PIEZO2: variants seen among roughly 807,000 people sequenced by gnomAD.
PIEZO2 encodes piezo type mechanosensitive ion channel component 2, also known as piezo-type mechanosensitive ion channel component 2.
In PIEZO2, 172 loss-of-function variants were observed where a neutral mutation model predicts 337.3. The ratio of observed to expected loss-of-function variants is 0.51; its 90% CI spans 0.45 to 0.58. PIEZO2 has a LOEUF of 0.58. PIEZO2 is among the 20% of genes least tolerant of loss of function. PIEZO2 has a pLI of 0.00. For missense variants in PIEZO2, 3,028 were observed against 3,391.3 expected (o/e 0.89, Z 2.66); for synonymous variants, 1,251 against 1,228.5 (o/e 1.02, Z -0.38).
chr18:10,685,649 C>T (rs73395375), intron 49 of PIEZO2, among the ~76,000 whole-genome samples: 38,424 of 152,020 alleles, frequency 0.25, 6,515 homozygotes, highest in African/African-American at 0.48. Context: ...CCAACAAACA[C>T]GGTCTTGCAT....
chr18:11,118,759 G>GAA (rs11451534), intron 1 of PIEZO2, among the ~76,000 whole-genome samples: 77 of 150,646 alleles, frequency 5.1e-4, no homozygotes, highest in South Asian at 1.7e-3. Flanking sequence ...GTTAATTACA[G>GAA]AAAAAAAAAC....
At position 10,699,017 on chromosome 18, in the gene PIEZO2, G is replaced by T; in HGVS notation, c.6602C>A (p.Pro2201Gln). 1.3e-6 allele frequency: 2 copies of T among 1,537,076 alleles called. No individual in the cohort carries two copies. The highest frequency in any genetic ancestry group is 8.7e-7 in the Non-Finnish European group (1 of 1,146,908). ...CCTCCGGACAGCTGTCTGCTGCTCC[G>T]GGAAGGTCACATGCACTGACTCCAC... ...ASVESVHVTFPEQQTAVRRKR... is the reference protein window; with the variant it reads ...ASVESVHVTFQEQQTAVRRKR... The change falls in exon 44 of 56, where the codon CCG becomes CAG. Residue 2201 changes from proline (P) to glutamine (Q), a missense_variant. Physicochemically the swap from Pro to Gln is moderately conservative, Grantham distance 76 (BLOSUM62 -1). Around this residue, in one of 5 missense-constraint regions of PIEZO2, gnomAD observed 1,925 missense variants for 2,051.9 expected, o/e 0.94. Coordinates refer to ENST00000674853, the MANE Select transcript of PIEZO2 (RefSeq NM_001378183.1).
In PIEZO2 at chr18:10,862,808, AC is replaced by A. The variant is rs1223832746; in HGVS notation, c.493-5598del. Among the ~76,000 whole-genome samples, 1 of 152,248 alleles carries A rather than the reference AC, an allele frequency of 6.6e-6. No homozygotes were observed. Among genetic ancestry groups the A allele is most frequent in the African/African-American group, 2.4e-5 (1 of 41,464 alleles). On this transcript the variant is annotated intron_variant, in intron 5 of 55. Transcript: ENST00000674853. This position sits in a 1 kb window ranked among gnomAD's most constrained non-coding sequence, Gnocchi z 4.4. ...CAGGCCCTGGCCGACATTGGCAACC[AC>A]TGATCAATGAATTCTCCATAGGGGT...
chr18:10,800,591 C>A (rs1408488768), intron 10 of PIEZO2, 116 bp from the exon 11 acceptor site: 1 of 1,252,150 alleles, frequency 8.0e-7, no homozygotes, highest in Non-Finnish European at 1.0e-6. Context: ...TGATTACAAG[C>A]TGAATAACTT....
chr18:11,086,421 A>G (rs1309990331), intron 1 of PIEZO2, among the ~76,000 whole-genome samples: 16 of 151,298 alleles, frequency 1.1e-4, no homozygotes, highest in African/African-American at 3.9e-4. Context: ...CAGGAGGCTG[A>G]GGCAGGAGAA....
chr18:10,920,595 T>A (rs1285398859), intron 3 of PIEZO2, among the ~76,000 whole-genome samples: 1 of 152,150 alleles, frequency 6.6e-6, no homozygotes, highest in Admixed American at 6.5e-5. Context: ...TTACAACTCG[T>A]TCATACCCAG....
chr18:11,025,017 T>A (rs1022102127), intron 2 of PIEZO2, among the ~76,000 whole-genome samples: 3 of 151,976 alleles, frequency 2.0e-5, no homozygotes, highest in African/African-American at 7.3e-5. Flanking sequence ...ATAGCCTGCA[T>A]GAGATGGAAG....
chr18:10,840,441 G>C (rs946433389), intron 7 of PIEZO2, among the ~76,000 whole-genome samples: 1 of 152,072 alleles, frequency 6.6e-6, no homozygotes, highest in South Asian at 2.1e-4. Flanking sequence ...GTTAGAGCTG[G>C]TCCTTTTTTA....
Position 10,696,364 on chromosome 18 carries a change from G to A in PIEZO2, c.6975+28C>T, listed in dbSNP as rs186012507. ...AAGCGCCATCGCCATGGGTCAGGGCGGGTGCTGTGGCCTTTGCCCCAACCT... is the reference window on the plus strand; with the variant it reads ...AAGCGCCATCGCCATGGGTCAGGGCAGGTGCTGTGGCCTTTGCCCCAACCT... On this transcript the variant is annotated intron_variant, in intron 46 of 55. Coordinates refer to ENST00000674853, the MANE Select transcript of PIEZO2 (RefSeq NM_001378183.1). 5.0e-4 allele frequency: 799 copies of A among 1,614,134 alleles called. 7 individuals are homozygous for A. In the African/African-American group the frequency reaches 8.3e-3, roughly 17 times the overall value.
At chr18:10,738,627 G>T (rs986232396) in intron 33 of PIEZO2, 2 of 152,186 alleles carry the variant, frequency 1.3e-5, no homozygotes, top group Non-Finnish European at 2.9e-5. Context: ...CTCAGATGGC[G>T]AACCTGACTC....
chr18:11,089,260 C>T (rs920614191), intron 1 of PIEZO2, among the ~76,000 whole-genome samples: 1 of 152,120 alleles, frequency 6.6e-6, no homozygotes, highest in African/African-American at 2.4e-5. Flanking sequence ...GGGCTCAATT[C>T]ATCTTAATCT....
At chr18:10,905,743 A>C (rs2043160144) in intron 4 of PIEZO2, among the ~76,000 whole-genome samples, 1 of 152,138 alleles carries the variant, frequency 6.6e-6, no homozygotes, top group South Asian at 2.1e-4. Flanking sequence ...TGACAAAAAG[A>C]CAGTGGGTCC....
chr18:10,911,536 C>T (rs2030475765), intron 3 of PIEZO2, among the ~76,000 whole-genome samples: 1 of 151,874 alleles, frequency 6.6e-6, no homozygotes, highest in Non-Finnish European at 1.5e-5. Context: ...AGGCAGATCA[C>T]CTGAGGTCAG....
chr18:10,793,300 A>C (rs2039472683), intron 13 of PIEZO2, among the ~76,000 whole-genome samples: 1 of 152,144 alleles, frequency 6.6e-6, no homozygotes, highest in Non-Finnish European at 1.5e-5. Context: ...TGTAATAGAA[A>C]TGTTATAAGC....
At chr18:10,757,101 G>A (rs78003860) in intron 27 of PIEZO2, among the ~76,000 whole-genome samples, 3,331 of 151,262 alleles carry the variant, frequency 0.022, 132 homozygotes, top group African/African-American at 0.076. Flanking sequence ...TGGAGGATGG[G>A]GAGGAGAAAT....
chr18:10,674,601 T>C (rs949033), intron 54 of PIEZO2, among the ~76,000 whole-genome samples: 120,362 of 152,258 alleles, frequency 0.79, 47,736 homozygotes, highest in Admixed American at 0.81. Flanking sequence ...TTGCCTAGTG[T>C]GTAGTGGCCC....
intron 2 of PIEZO2, among the ~76,000 whole-genome samples, chr18:11,060,184 A>C (rs1336983436): frequency 6.6e-6 from 1 of 152,224 alleles, no homozygotes; most frequent in African/African-American, 2.4e-5. Context: ...ATGAGGGCAG[A>C]AATAAAGATG....
At chr18:11,025,382 T>C (rs183174537) in intron 2 of PIEZO2, among the ~76,000 whole-genome samples, 1 of 152,186 alleles carries the variant, frequency 6.6e-6, no homozygotes, top group Non-Finnish European at 1.5e-5. Flanking sequence ...AAATGCTTAG[T>C]GTTTCCGTGA....
intron 7 of PIEZO2, among the ~76,000 whole-genome samples, chr18:10,816,061 G>A (rs917083183): frequency 4.6e-5 from 7 of 152,142 alleles, no homozygotes; most frequent in Non-Finnish European, 8.8e-5. Context: ...GCAGGAGCTG[G>A]GAAGACTCCC....
Sources: allele counts gnomAD v4.1 joint callset (sites outside exome capture counted in the v4.1 genomes callset), GRCh38; gene constraint gnomAD v4.1.1; regional missense constraint gnomAD v4.1.1; non-coding constraint Gnocchi (gnomAD v3.1); transcripts MANE v1.5; gene names NCBI Gene and HGNC (gene_info 2026-07-23, HGNC 2026-07-21).